The following SH3KBP1 variants were observed in gnomAD, a reference collection of about 807,000 sequenced individuals.
The protein encoded by SH3KBP1 is SH3 domain containing kinase binding protein 1, also known as SH3 domain-containing kinase-binding protein 1.
Under a neutral mutation model 50.1 loss-of-function variants are expected in SH3KBP1, and 8 were observed. The ratio of observed to expected loss-of-function variants is 0.16; its 90% confidence interval spans 0.09 to 0.29. The LOEUF (loss-of-function observed/expected upper bound fraction) is 0.29. Among genes scored for constraint, SH3KBP1 ranks in the 10% least tolerant of loss-of-function variants. The probability of loss-of-function intolerance (pLI) is 1.00; values close to 1 mark genes in which losing one functional copy is unlikely to be tolerated. For synonymous variants in SH3KBP1, 227 were observed against 218.6 expected, an observed-to-expected ratio of 1.04 and a Z score of -0.34; for missense variants, 377 against 535.2, an observed-to-expected ratio of 0.70 and a Z score of 2.92.
At position 19,856,951 on chromosome X, in the gene SH3KBP1, C is replaced by CTTTTTTTTTTTTT. The variant is rs758486199; in HGVS notation, c.5-20682_5-20670dup. The stretch of plus-strand genomic sequence containing the variant: ...CTTTTCCCCTAGAGCTAATACTAGT[C>CTTTTTTTTTTTTT]TTTTTTTTTTTTTTTTTTTTTTTTT... On this transcript the variant is annotated intron_variant, in intron 1 of 17. Coordinates refer to ENST00000397821, the MANE Select transcript of SH3KBP1 (RefSeq NM_031892.3). Among the ~76,000 whole-genome samples, 49 of 20,048 alleles carry CTTTTTTTTTTTTT rather than the reference C, an allele frequency of 2.4e-3. 15 individuals are homozygous for CTTTTTTTTTTTTT. The highest frequency in any genetic ancestry group is 0.011 in the East Asian group (4 of 350). The allele number at this position is 20,048 out of a possible 115,157, so 17.4% of individuals were successfully genotyped here.
intron 14 of SH3KBP1, among the ~76,000 whole-genome samples, chrX:19,549,203 C>T (rs1461848992): frequency 3.6e-5 from 4 of 112,030 alleles, no homozygotes; most frequent in East Asian, 2.8e-4. Context: ...CACAACGATG[C>T]GTACTACGTA....
intron 5 of SH3KBP1, chrX:19,687,806 G>C (rs754222607): frequency 3.7e-6 from 2 of 534,541 alleles, no homozygotes; most frequent in Admixed American, 5.5e-5. Context: ...TGCCTTCAAT[G>C]AATCTGCTGC....
chrX:19,799,543 T>TG (rs2066832368), intron 2 of SH3KBP1: 5 of 926,670 alleles, frequency 5.4e-6, no homozygotes, highest in Non-Finnish European at 6.3e-6. Flanking sequence ...TTCCCCATCA[T>TG]GCCTCCCTCC....
intron 7 of SH3KBP1, among the ~76,000 whole-genome samples, chrX:19,637,432 A>G (rs888695282): frequency 8.9e-6 from 1 of 112,198 alleles, no homozygotes; most frequent in Non-Finnish European, 1.9e-5. Context: ...GCAAACATAC[A>G]GTGTTGACCA....
Position 19,535,111 on chromosome X carries a change from C to T in SH3KBP1, c.*1306G>A. 3.4e-6 allele frequency: 1 copy of T among 296,508 alleles called. No homozygotes were observed. The highest frequency in any genetic ancestry group is 5.9e-6 in the Non-Finnish European group (1 of 169,833). The allele number at this position is 296,508 out of a possible 1,213,427, so 24.4% of individuals were successfully genotyped here. On this transcript the variant is annotated 3_prime_UTR_variant, in exon 18 of 18. Transcript: ENST00000397821. ...CTGAACAGTCTCGCAATACAGTAGG[C>T]CCCTCATTTTCAGCTAAGGATGAGA...
chrX:19,800,104 C>T (rs1234593019), intron 2 of SH3KBP1, among the ~76,000 whole-genome samples: 2 of 111,506 alleles, frequency 1.8e-5, no homozygotes, highest in Admixed American at 9.5e-5. Flanking sequence ...AGGACATGCA[C>T]GGGAAACAAA....
chrX:19,542,927 G>A (rs1297136658), intron 15 of SH3KBP1, among the ~76,000 whole-genome samples: 4 of 112,070 alleles, frequency 3.6e-5, no homozygotes, highest in Non-Finnish European at 7.5e-5. Flanking sequence ...ACGGTGCTGA[G>A]GACCATGCTG....
At chrX:19,882,988 T>C (rs1937153552) in intron 1 of SH3KBP1, among the ~76,000 whole-genome samples, 1 of 112,346 alleles carries the variant, frequency 8.9e-6, no homozygotes, top group South Asian at 3.7e-4. Context: ...GAGTCACTTA[T>C]AACAGTACTT....
chrX:19,688,344 T>G (rs1304645455), intron 5 of SH3KBP1, among the ~76,000 whole-genome samples: 1 of 111,749 alleles, frequency 8.9e-6, no homozygotes, highest in Non-Finnish European at 1.9e-5. Flanking sequence ...GTTTTCTGCT[T>G]AGAACCAAGG....
In SH3KBP1 at chrX:19,683,970, A is replaced by G; in HGVS notation, c.579T>C (p.Ser193=). 1 of 1,211,197 alleles carries G rather than the reference A, an allele frequency of 8.3e-7. No individual in the cohort carries two copies. The highest frequency in any genetic ancestry group is 1.1e-6 in the Non-Finnish European group (1 of 895,186). Reference sequence around the variant, plus strand: ...TTGCCACTGTCCCGTTGGCACCTTCAGACTTGGTGCTGCTTGAGTCACCCC... The same window carrying G: ...TTGCCACTGTCCCGTTGGCACCTTCGGACTTGGTGCTGCTTGAGTCACCCC... The part of the protein sequence containing the change: ...SDGGDSSSTK[S]EGANGTVATA... The change falls in exon 6 of 18, where the codon TCT becomes TCC. Residue 193 remains serine, a synonymous_variant. Coordinates refer to ENST00000397821, the MANE Select transcript of SH3KBP1 (RefSeq NM_031892.3).
At chrX:19,715,921 G>A (rs1275864103) in intron 3 of SH3KBP1, among the ~76,000 whole-genome samples, 1 of 110,903 alleles carries the variant, frequency 9.0e-6, no homozygotes, top group Admixed American at 9.6e-5. Context: ...TAGGTGCCAG[G>A]GGCTCAGGGG....
At chrX:19,616,118 T>C (rs995754317) in intron 8 of SH3KBP1, among the ~76,000 whole-genome samples, 1 of 111,110 alleles carries the variant, frequency 9.0e-6, no homozygotes, top group Non-Finnish European at 1.9e-5. Context: ...TACTCCATCA[T>C]GCATGGCTAA....
intron 13 of SH3KBP1, among the ~76,000 whole-genome samples, chrX:19,551,692 TG>T (rs1256194998): frequency 1.8e-5 from 2 of 108,523 alleles, no homozygotes; most frequent in African/African-American, 6.8e-5. Context: ...ACACCACACC[TG>T]GCTAATTTTT....
At chrX:19,585,367 C>T (rs1343004875) in intron 12 of SH3KBP1, among the ~76,000 whole-genome samples, 2 of 111,803 alleles carry the variant, frequency 1.8e-5, no homozygotes, top group Non-Finnish European at 3.8e-5. Flanking sequence ...ACCATATGCT[C>T]GACACCGTAA....
At chrX:19,767,026 T>G (rs1407935328) in intron 2 of SH3KBP1, among the ~76,000 whole-genome samples, 1 of 111,345 alleles carries the variant, frequency 9.0e-6, no homozygotes, top group Non-Finnish European at 1.9e-5. Flanking sequence ...AAAATGAGAA[T>G]AGTAGTATCT....
chrX:19,811,306 C>T (rs753188929), intron 2 of SH3KBP1, among the ~76,000 whole-genome samples: 8 of 111,903 alleles, frequency 7.1e-5, no homozygotes, highest in Non-Finnish European at 1.5e-4. Flanking sequence ...ATGAGGGTCC[C>T]GATATTACAA....
intron 2 of SH3KBP1, among the ~76,000 whole-genome samples, chrX:19,810,920 T>C (rs2067186328): frequency 1.8e-5 from 2 of 111,606 alleles, no homozygotes; most frequent in Non-Finnish European, 3.8e-5. Context: ...CTTGGAAAAA[T>C]GTCAATAAGC....
intron 8 of SH3KBP1, among the ~76,000 whole-genome samples, chrX:19,611,958 A>G (rs945297766): frequency 2.7e-4 from 28 of 101,986 alleles, no homozygotes; most frequent in African/African-American, 1.0e-3. Context: ...CAGAAGTAGA[A>G]AAAAAAAAAA....
chrX:19,653,968 C>T (rs1439927365), intron 6 of SH3KBP1, among the ~76,000 whole-genome samples: 2 of 110,949 alleles, frequency 1.8e-5, no homozygotes, highest in Admixed American at 1.9e-4. Context: ...TACAAAACAC[C>T]TGGTCCCATC....
Sources: gnomAD v4.1 joint callset for allele counts (sites outside exome capture counted in the v4.1 genomes callset) on GRCh38, gnomAD v4.1.1 for gene constraint, MANE v1.5 for transcripts, NCBI Gene and HGNC (gene_info 2026-07-23, HGNC 2026-07-21) for gene names.